The following AGBL1 variants were observed in gnomAD, a reference collection of about 807,000 sequenced individuals.
AGBL1 encodes cytosolic carboxypeptidase 4.
Under a neutral mutation model 118.9 loss-of-function variants are expected in AGBL1, and 130 were observed. The ratio of observed to expected loss-of-function variants is 1.09; its 90% CI spans 0.95 to 1.26. The LOEUF (loss-of-function observed/expected upper bound fraction) is 1.26. Ranked by LOEUF, AGBL1 falls within the 50% of genes most tolerant of loss-of-function variation. AGBL1 has a pLI of 0.00. For missense variants in AGBL1, 1,584 were observed against 1,298.1 expected (o/e 1.22, Z -3.38); for synonymous variants, 555 against 478.9 (o/e 1.16, Z -2.08).
At chr15:86,471,540 A>G (rs911777443) in intron 18 of AGBL1, among the ~76,000 whole-genome samples, 12 of 148,360 alleles carry the variant, frequency 8.1e-5, no homozygotes, top group Admixed American at 5.4e-4. Context: ...TGGCTTTGCT[A>G]TCAGATCAAC....
intron 22 of AGBL1, among the ~76,000 whole-genome samples, chr15:86,769,953 A>C (rs1197393388): frequency 6.6e-6 from 1 of 151,954 alleles, no homozygotes; most frequent in Non-Finnish European, 1.5e-5. Context: ...TTATATACCA[A>C]GCATTAAGAA....
chr15:86,382,890 C>T (rs192536286), intron 17 of AGBL1, among the ~76,000 whole-genome samples: 338 of 152,178 alleles, frequency 2.2e-3, no homozygotes, highest in African/African-American at 8.0e-3. Context: ...TTGAACACCT[C>T]CAGAACTGCA....
chr15:86,580,970 C>T (rs1410909014), intron 21 of AGBL1, among the ~76,000 whole-genome samples: 1 of 152,038 alleles, frequency 6.6e-6, no homozygotes, highest in East Asian at 1.9e-4. Context: ...TGGTTGCATC[C>T]AAATTTTTGC....
chr15:86,656,422 C>G (rs905726267), intron 21 of AGBL1, among the ~76,000 whole-genome samples: 1 of 152,234 alleles, frequency 6.6e-6, no homozygotes, highest in East Asian at 1.9e-4. Flanking sequence ...AGGAAAACAA[C>G]TTCATTACAA....
At chr15:86,933,270 G>A (rs1029798146) in intron 23 of AGBL1, among the ~76,000 whole-genome samples, 14 of 152,138 alleles carry the variant, frequency 9.2e-5, no homozygotes, top group African/African-American at 3.4e-4. Flanking sequence ...GAGGACTTTA[G>A]TTTTTAGTTT....
intron 22 of AGBL1, among the ~76,000 whole-genome samples, chr15:86,905,302 G>A (rs28379262): frequency 0.049 from 7,393 of 152,290 alleles, 184 homozygotes; most frequent in African/African-American, 0.052. Context: ...TGACCTTGTT[G>A]TGTCCCACTG....
At chr15:87,028,857 T>C in exon 25 of AGBL1, 1 of 1,600,416 alleles carries the variant, frequency 6.2e-7, no homozygotes, top group Non-Finnish European at 8.6e-7. Flanking sequence ...TCCCTTCAAA[T>C]GAGCAAGTAT....
At position 86,764,418 on chromosome 15, in the gene AGBL1, A is replaced by G. The variant is rs568377846; in HGVS notation, c.3158+89982A>G. On this transcript the variant is annotated intron_variant, in intron 22 of 22. Coordinates refer to ENST00000614907, the MANE Select transcript of AGBL1 (RefSeq NM_001386094.1). ...AGGAATATGATAGGGGTATTGGCCA[A>G]AGTAATTAACTGAGTGTGTCTAATG... Among the ~76,000 whole-genome samples the G allele has an allele frequency of 1.4e-4, 21 of 152,168 alleles. 1 individual carries two copies. The highest frequency in any genetic ancestry group is 4.1e-4 in the African/African-American group (17 of 41,568).
At chr15:86,085,903 C>T (rs1037171515) in intron 1 of AGBL1, among the ~76,000 whole-genome samples, 1 of 152,212 alleles carries the variant, frequency 6.6e-6, no homozygotes, top group Admixed American at 6.5e-5. Flanking sequence ...AAAGTCTCAT[C>T]CCCACTCTCA....
intron 17 of AGBL1, among the ~76,000 whole-genome samples, chr15:86,354,692 A>C (rs1350215867): frequency 6.6e-6 from 1 of 152,230 alleles, no homozygotes; most frequent in Non-Finnish European, 1.5e-5. Context: ...TGGTCTCTCA[A>C]AGATGTCCTT....
intron 23 of AGBL1, among the ~76,000 whole-genome samples, chr15:86,962,912 G>A (rs557397918): frequency 3.9e-5 from 6 of 152,134 alleles, no homozygotes; most frequent in African/African-American, 1.2e-4. Flanking sequence ...AACTTCTAAA[G>A]TTATGAATAT....
intron 17 of AGBL1, among the ~76,000 whole-genome samples, chr15:86,341,467 A>G (rs1193386970): frequency 1.3e-5 from 2 of 152,024 alleles, no homozygotes; most frequent in Middle Eastern, 3.2e-3. Context: ...CTTTTCAGAT[A>G]CTTTTTATAT....
intron 17 of AGBL1, among the ~76,000 whole-genome samples, chr15:86,390,145 A>T (rs2081254576): frequency 6.6e-6 from 1 of 152,226 alleles, no homozygotes; most frequent in African/African-American, 2.4e-5. Flanking sequence ...CATTAAGGCA[A>T]TGCCTTAGGA....
intron 17 of AGBL1, among the ~76,000 whole-genome samples, chr15:86,339,080 AT>A (rs1567206652): frequency 1.3e-5 from 2 of 152,124 alleles, no homozygotes; most frequent in Admixed American, 6.5e-5. Context: ...TAGATAATAC[AT>A]TGCTTTATGA....
At chr15:86,404,996 C>G (rs953342866) in intron 18 of AGBL1, among the ~76,000 whole-genome samples, 1 of 152,138 alleles carries the variant, frequency 6.6e-6, no homozygotes, top group African/African-American at 2.4e-5. Context: ...ATTGGGAATA[C>G]TCAGGTCTAA....
intron 22 of AGBL1, among the ~76,000 whole-genome samples, chr15:86,844,760 T>C (rs1259316501): frequency 6.6e-6 from 1 of 152,148 alleles, no homozygotes; most frequent in African/African-American, 2.4e-5. Context: ...GCTTTTGGTA[T>C]TGTAGTTAAG....
intron 22 of AGBL1, among the ~76,000 whole-genome samples, chr15:86,875,904 GATCA>G (rs2079799765): frequency 6.6e-6 from 1 of 152,154 alleles, no homozygotes; most frequent in African/African-American, 2.4e-5. Flanking sequence ...CCTCTGCATT[GATCA>G]ATCCTCAAGC....
Position 86,154,428 on chromosome 15 carries a change from A to C in AGBL1, c.263-2A>C. 1 of 1,611,416 alleles carries C rather than the reference A, an allele frequency of 6.2e-7. No individual in the cohort carries two copies. The highest frequency in any genetic ancestry group is 8.5e-7 in the Non-Finnish European group (1 of 1,178,814). ...CTAAGATAGATTGATTTGTGTTCTT[A>C]GATAAAAAGATTGGACGGAAGGCCC... is the stretch of plus-strand genomic sequence containing the variant. On this transcript the variant is annotated splice_acceptor_variant, in intron 3 of 22. Transcript: ENST00000614907. LOFTEE classifies it high-confidence loss of function.
chr15:86,201,995 A>G (rs74790450), intron 5 of AGBL1, among the ~76,000 whole-genome samples: 1,865 of 152,074 alleles, frequency 0.012, 22 homozygotes, highest in East Asian at 0.058. Context: ...CAACAAGTAA[A>G]CCCTGTGTGG....
Sources: allele counts gnomAD v4.1 joint callset (sites outside exome capture counted in the v4.1 genomes callset), GRCh38; gene constraint gnomAD v4.1.1; transcripts MANE v1.5; gene names NCBI Gene and HGNC (gene_info 2026-07-23, HGNC 2026-07-21).